Variants in UNC80 observed in about 807,000 individuals in gnomAD.
UNC80 encodes unc-80 subunit of NALCN channel complex.
Under a neutral mutation model 384.6 loss-of-function variants are expected in UNC80, and 164 were observed. The observed-to-expected ratio is 0.43, with a 90% confidence interval of 0.38 to 0.49. UNC80 has a LOEUF of 0.49. Among genes scored for constraint, UNC80 ranks in the 20% least tolerant of loss-of-function variants. The pLI, the probability that UNC80 is intolerant of heterozygous loss-of-function variation, is 0.00. For missense variants in UNC80, 3,330 were observed against 4,143.0 expected, an observed-to-expected ratio of 0.80 and a Z score of 5.39; for synonymous variants, 1,486 against 1,527.8, an observed-to-expected ratio of 0.97 and a Z score of 0.64.
intron 7 of UNC80, among the ~76,000 whole-genome samples, chr2:209,805,202 A>G (rs1432466067): frequency 6.6e-6 from 1 of 152,192 alleles, no homozygotes; most frequent in Non-Finnish European, 1.5e-5. Flanking sequence ...CCAGTTTGTT[A>G]GGCACTTATT....
Position 209,896,426 on chromosome 2 carries a change from C to T in UNC80, c.4581+13C>T. 6.5e-7 allele frequency: 1 copy of T among 1,545,736 alleles called. No individual in the cohort carries two copies. The highest frequency in any genetic ancestry group is 8.8e-7 in the Non-Finnish European group (1 of 1,141,606). Reference sequence around the variant, plus strand: ...GTCGTGGCTTCATGTAAGTAGGAATCTCAGAAACAGCCCTGAGATCAATTT... The same window carrying T: ...GTCGTGGCTTCATGTAAGTAGGAATTTCAGAAACAGCCCTGAGATCAATTT... On this transcript the variant is annotated intron_variant, in intron 28 of 64. Transcript: ENST00000673920.
chr2:209,858,440 G>C (rs1294079552), intron 22 of UNC80, among the ~76,000 whole-genome samples: 1 of 152,064 alleles, frequency 6.6e-6, no homozygotes, highest in Admixed American at 6.6e-5. Flanking sequence ...GAGCATGGTG[G>C]CTCACACCTG....
intron 38 of UNC80, 120 bp from the exon 39 acceptor site, chr2:209,933,702 T>C: frequency 1.2e-6 from 1 of 831,964 alleles, no homozygotes; most frequent in South Asian, 2.2e-5. Flanking sequence ...GAGAAGCATC[T>C]GAACAGAGAA....
intron 22 of UNC80, among the ~76,000 whole-genome samples, chr2:209,860,583 A>G (rs920899910): frequency 6.6e-6 from 1 of 152,226 alleles, no homozygotes; most frequent in Admixed American, 6.5e-5. Flanking sequence ...AATTCTGTGA[A>G]GAATGTCAAT....
At chr2:209,988,099 C>A (rs1477028881) in intron 61 of UNC80, among the ~76,000 whole-genome samples, 1 of 152,016 alleles carries the variant, frequency 6.6e-6, no homozygotes, top group Non-Finnish European at 1.5e-5. Context: ...AAATTTTAAA[C>A]AATAATCTTT....
chr2:209,813,812 C>T lies in UNC80; in HGVS notation c.1171C>T (p.Pro391Ser), dbSNP rs774259406. Residue 391 changes from proline to serine, a missense_variant, in exon 8 of 65, where the codon CCC becomes TCC. Around this residue, in one of 8 missense-constraint regions of UNC80, gnomAD observed 937 missense variants for 1,026.8 expected, o/e 0.91. Coordinates refer to ENST00000673920, the MANE Select transcript of UNC80 (RefSeq NM_001371986.1). ...GAGTAGCTCCATGGTGGCAGCAGCT[C>T]CCTCACTAGTGAACACCCACAAAAC... ...PRSSSMVAAA[P>S]SLVNTHKTQD... 6.4e-7 allele frequency: 1 copy of T among 1,552,186 alleles called. No homozygotes were observed. Among genetic ancestry groups the T allele is most frequent in the Non-Finnish European group, 8.7e-7 (1 of 1,147,094 alleles).
chr2:209,783,745 C>G (rs901732457), intron 4 of UNC80, among the ~76,000 whole-genome samples: 1 of 152,100 alleles, frequency 6.6e-6, no homozygotes, highest in Non-Finnish European at 1.5e-5. Flanking sequence ...GTTAAGATTT[C>G]TCATGAGAAA....
intron 26 of UNC80, among the ~76,000 whole-genome samples, chr2:209,889,594 C>T (rs1377309768): frequency 6.6e-6 from 1 of 152,090 alleles, no homozygotes; most frequent in Non-Finnish European, 1.5e-5. Flanking sequence ...CTGCACCCAT[C>T]AACCTGTCAT....
intron 59 of UNC80, among the ~76,000 whole-genome samples, chr2:209,980,501 T>TC (rs1174353360): frequency 1.3e-5 from 2 of 152,290 alleles, no homozygotes; most frequent in East Asian, 3.9e-4. Flanking sequence ...ATCGTAACCA[T>TC]CCCAATGAAA....
chr2:209,937,725 A>G, intron 42 of UNC80, 95 bp downstream of exon 42: 1 of 915,996 alleles, frequency 1.1e-6, no homozygotes, highest in Non-Finnish European at 1.7e-6. Context: ...TTATGATTCC[A>G]TTTTGACCCT....
chr2:209,904,592 G>C (rs997995276), intron 28 of UNC80, among the ~76,000 whole-genome samples, 173 bp from the exon 29 acceptor site: 1 of 152,150 alleles, frequency 6.6e-6, no homozygotes, highest in African/African-American at 2.4e-5. Context: ...AGAACAAAAG[G>C]CCATGTGGAT....
intron 33 of UNC80, among the ~76,000 whole-genome samples, chr2:209,919,718 T>C (rs1179131158): frequency 6.6e-6 from 1 of 152,214 alleles, no homozygotes; most frequent in Non-Finnish European, 1.5e-5. Context: ...TAATTCTACC[T>C]TCATATCTGA....
At chr2:209,808,859 A>G (rs2079122063) in intron 7 of UNC80, 2 of 283,378 alleles carry the variant, frequency 7.1e-6, no homozygotes, top group South Asian at 6.6e-5. Flanking sequence ...AAGCCCAACT[A>G]CAGCAAACTG....
intron 28 of UNC80, among the ~76,000 whole-genome samples, chr2:209,900,469 A>G (rs2087272801): frequency 6.6e-6 from 1 of 152,178 alleles, no homozygotes; most frequent in African/African-American, 2.4e-5. Flanking sequence ...AACTTAATCA[A>G]TAAATGTGTG....
chr2:209,783,997 A>G (rs2077288011), intron 4 of UNC80, among the ~76,000 whole-genome samples: 1 of 152,154 alleles, frequency 6.6e-6, no homozygotes, highest in African/African-American at 2.4e-5. Context: ...TTCAACAGAT[A>G]TCTCAAACTT....
chr2:209,808,767 T>TTCTGCGCTACTCAGCGACCTCGTTACC, intron 7 of UNC80: 3 of 59,210 alleles, frequency 5.1e-5, no homozygotes, highest in South Asian at 3.0e-4. Flanking sequence ...CCTGCGCTAC[T>TTCTGCGCTACTCAGCGACCTCGTTACC]TCTGCGCTAC....
chr2:209,784,502 G>A (rs562897844), intron 4 of UNC80, among the ~76,000 whole-genome samples: 19 of 152,006 alleles, frequency 1.2e-4, no homozygotes, highest in South Asian at 4.1e-4. Context: ...TCTCTTGGCT[G>A]TTTCTGAACA....
rs555639867 is a variant in UNC80, at chr2:209,882,128, G to A, written c.4110+1034G>A. Among the ~76,000 whole-genome samples, 12 of 151,962 alleles carry A rather than the reference G, an allele frequency of 7.9e-5. No individual in the cohort carries two copies. In the East Asian group the frequency reaches 2.3e-3, roughly 29 times the overall value. ...ACTACAGGCGCGTGCCACCATGCCT[G>A]GCTAATTTTTTGTATTTTCAGTAGA... On this transcript the variant is annotated intron_variant, in intron 25 of 64. Coordinates refer to ENST00000673920, the MANE Select transcript of UNC80 (RefSeq NM_001371986.1).
Position 209,927,019 on chromosome 2 carries a change from A to T in UNC80, c.5806+33A>T, listed in dbSNP as rs776796252. ...TTTGAACAGTCAGATCATCAGTGAC[A>T]TTCTTAAGCTGTTTATCTGATAGAA... On this transcript the variant is annotated intron_variant, in intron 36 of 64. Transcript: ENST00000673920. 1.5e-5 allele frequency: 23 copies of T among 1,548,770 alleles called. No individual in the cohort carries two copies. The South Asian group carries it at 2.6e-4, about 18-fold the overall frequency.
Sources: allele counts gnomAD v4.1 joint callset (sites outside exome capture counted in the v4.1 genomes callset), GRCh38; gene constraint gnomAD v4.1.1; regional missense constraint gnomAD v4.1.1; transcripts MANE v1.5; gene names NCBI Gene and HGNC (gene_info 2026-07-23, HGNC 2026-07-21).